The following CTNNA3 variants were observed in gnomAD, a reference collection of about 807,000 sequenced individuals.
CTNNA3 encodes the protein catenin alpha 3, also known as catenin alpha-3.
Under a neutral mutation model 95.7 loss-of-function variants are expected in CTNNA3, and 76 were observed. The ratio of observed to expected loss-of-function variants is 0.79; its 90% CI spans 0.66 to 0.96. The LOEUF is 0.96. Among genes scored for constraint, CTNNA3 ranks in the 40% least tolerant of loss-of-function variants. The pLI is 0.00. For missense variants in CTNNA3, 1,191 were observed against 1,089.8 expected (o/e 1.09, Z -1.31); for synonymous variants, 431 against 374.4 (o/e 1.15, Z -1.74).
At chr10:67,015,690 C>T (rs577730693) in intron 7 of CTNNA3, among the ~76,000 whole-genome samples, 115 of 152,218 alleles carry the variant, frequency 7.6e-4, no homozygotes, top group Admixed American at 1.4e-3. Flanking sequence ...TTTGAAGATT[C>T]AAATCTTTGT....
At position 65,966,495 on chromosome 10, in the gene CTNNA3, A is replaced by AATT. The variant is rs2077968221; in HGVS notation, c.2400+114_2400+116dup. On this transcript the variant is annotated intron_variant, in intron 17 of 17. Coordinates refer to ENST00000433211, the MANE Select transcript of CTNNA3 (RefSeq NM_013266.4). ...TACATGTACTTTTAATAAAAACTCC[A>AATT]ATTTAGTTTTTCTAAACTAATTTTA... The AATT allele has an allele frequency of 8.8e-6, 7 of 794,186 alleles. No individual in the cohort carries two copies. The Admixed American group carries it at 1.8e-4, about 20-fold the overall frequency. 49.2% of individuals were successfully genotyped at this position (794,186 alleles called of 1,614,324 possible).
chr10:66,789,336 G>A lies in CTNNA3; in HGVS notation c.1048-13812C>T, dbSNP rs549723391. On this transcript the variant is annotated intron_variant, in intron 7 of 17. Transcript: ENST00000433211. The stretch of plus-strand genomic sequence containing the variant: ...ATTACAGGCATGCATCACCACGCCC[G>A]GCTAATTTTTGTATTTTTGTTAGAG... Among the ~76,000 whole-genome samples the A allele has an allele frequency of 2.0e-3, 308 of 151,904 alleles. 1 individual carries two copies. Among genetic ancestry groups the A allele is most frequent in the African/African-American group, 5.6e-3 (230 of 41,418 alleles).
At chr10:66,405,008 T>C (rs1009472318) in intron 11 of CTNNA3, among the ~76,000 whole-genome samples, 1 of 152,216 alleles carries the variant, frequency 6.6e-6, no homozygotes, top group African/African-American at 2.4e-5. Context: ...AATCATCTCC[T>C]GCCTTTGCCC....
intron 9 of CTNNA3, among the ~76,000 whole-genome samples, chr10:66,629,983 C>G (rs1324954283): frequency 5.9e-5 from 9 of 152,144 alleles, no homozygotes; most frequent in Admixed American, 5.9e-4. Context: ...ATTTTTCCTT[C>G]AGAGCATGAT....
chr10:66,072,590 G>A (rs550095978), intron 14 of CTNNA3, among the ~76,000 whole-genome samples: 41 of 151,944 alleles, frequency 2.7e-4, no homozygotes, highest in South Asian at 1.0e-3. Flanking sequence ...GACTATAGGC[G>A]CCCACTACTG....
At chr10:67,456,418 C>T (rs1446723429) in intron 5 of CTNNA3, among the ~76,000 whole-genome samples, 1 of 152,084 alleles carries the variant, frequency 6.6e-6, no homozygotes, top group Non-Finnish European at 1.5e-5. Flanking sequence ...TTTCTGATAA[C>T]CCATCATAAC....
At chr10:66,225,823 G>T (rs2089253793) in intron 13 of CTNNA3, among the ~76,000 whole-genome samples, 1 of 151,772 alleles carries the variant, frequency 6.6e-6, no homozygotes, top group South Asian at 2.1e-4. Context: ...CTGATGATTA[G>T]TGATATTGAA....
chr10:66,252,579 T>A (rs2090602170), intron 13 of CTNNA3, among the ~76,000 whole-genome samples: 1 of 152,152 alleles, frequency 6.6e-6, no homozygotes. Context: ...CATGTACAGG[T>A]ATGTGGTGTT....
At chr10:67,352,594 TAGAA>T (rs912552549) in intron 5 of CTNNA3, among the ~76,000 whole-genome samples, 1 of 152,028 alleles carries the variant, frequency 6.6e-6, no homozygotes, top group African/African-American at 2.4e-5. Flanking sequence ...AAAATTAAGA[TAGAA>T]AGGTATGAAT....
intron 11 of CTNNA3, among the ~76,000 whole-genome samples, chr10:66,385,249 T>C (rs937758999): frequency 6.6e-6 from 1 of 152,006 alleles, no homozygotes; most frequent in Admixed American, 6.6e-5. Flanking sequence ...TAAAAATTGA[T>C]AAAGGGGATA....
intron 11 of CTNNA3, among the ~76,000 whole-genome samples, chr10:66,510,771 G>A (rs904413178): frequency 3.3e-5 from 5 of 151,606 alleles, no homozygotes; most frequent in African/African-American, 7.3e-5. Flanking sequence ...TGTTTTTGAC[G>A]TGCTGTTGGG....
chr10:66,719,194 G>T (rs1161086960), intron 9 of CTNNA3, among the ~76,000 whole-genome samples: 1 of 151,964 alleles, frequency 6.6e-6, no homozygotes, highest in East Asian at 1.9e-4. Flanking sequence ...GTTTTCTTGT[G>T]GGTCTGCCTT....
intron 5 of CTNNA3, among the ~76,000 whole-genome samples, chr10:67,451,799 A>C (rs2132964244): frequency 6.6e-6 from 1 of 152,150 alleles, no homozygotes; most frequent in South Asian, 2.1e-4. Context: ...GGGTAAGAAA[A>C]CCATAGGAAA....
intron 11 of CTNNA3, among the ~76,000 whole-genome samples, chr10:66,395,815 C>T (rs1275368630): frequency 2.0e-5 from 3 of 151,876 alleles, no homozygotes; most frequent in Non-Finnish European, 2.9e-5. Flanking sequence ...TATATTGTTT[C>T]AGATTCAGGG....
At chr10:67,749,914 G>A (rs563734528) in intron 1 of CTNNA3, among the ~76,000 whole-genome samples, 6 of 152,184 alleles carry the variant, frequency 3.9e-5, no homozygotes, top group East Asian at 1.9e-4. Context: ...TAGATAGACC[G>A]TGGGCAACCC....
intron 8 of CTNNA3, among the ~76,000 whole-genome samples, chr10:66,773,040 T>C (rs1391451535): frequency 6.6e-6 from 1 of 152,152 alleles, no homozygotes; most frequent in Non-Finnish European, 1.5e-5. Context: ...GAACAAGAAG[T>C]AGAGATAACT....
At chr10:67,761,975 C>A (rs1251642756) in intron 1 of CTNNA3, among the ~76,000 whole-genome samples, 3 of 151,316 alleles carry the variant, frequency 2.0e-5, no homozygotes, top group Admixed American at 1.3e-4. Flanking sequence ...GGTTGCAAAA[C>A]AATGTTTTAT....
At chr10:66,936,995 C>T (rs973594876) in intron 7 of CTNNA3, among the ~76,000 whole-genome samples, 2 of 152,086 alleles carry the variant, frequency 1.3e-5, no homozygotes, top group African/African-American at 2.4e-5. Flanking sequence ...CTATAGATTC[C>T]TCAGTATTTT....
chr10:66,411,396 A>C (rs1029189483), intron 11 of CTNNA3, among the ~76,000 whole-genome samples: 16 of 152,070 alleles, frequency 1.1e-4, no homozygotes, highest in Admixed American at 4.6e-4. Flanking sequence ...CTTCTGGTAC[A>C]TAAACACTAT....
Sources: gnomAD v4.1 joint callset for allele counts (sites outside exome capture counted in the v4.1 genomes callset) on GRCh38, gnomAD v4.1.1 for gene constraint, MANE v1.5 for transcripts, NCBI Gene and HGNC (gene_info 2026-07-23, HGNC 2026-07-21) for gene names.